RHPN2: variants seen among roughly 807,000 people sequenced by gnomAD.
The protein encoded by RHPN2 is rhophilin-2.
A neutral mutation model predicts 79.0 loss-of-function variants in RHPN2; 40 were observed. That is an observed-to-expected ratio of 0.51 (90% CI 0.39 to 0.66). The LOEUF (loss-of-function observed/expected upper bound fraction) is 0.66, where lower values mean the gene tolerates loss of function less well. Among genes scored for constraint, RHPN2 ranks in the 30% least tolerant of loss-of-function variants. The probability of loss-of-function intolerance (pLI) is 0.00; values close to 1 mark genes in which losing one functional copy is unlikely to be tolerated. For synonymous variants in RHPN2, 285 were observed against 363.5 expected (o/e 0.78, Z 2.46); for missense variants, 686 against 883.5 (o/e 0.78, Z 2.83).
At chr19:33,006,798 G>A (rs1324283663) in intron 7 of RHPN2, among the ~76,000 whole-genome samples, 1 of 152,144 alleles carries the variant, frequency 6.6e-6, no homozygotes, top group South Asian at 2.1e-4. Context: ...CCTCAACACC[G>A]CACCTCATTC....
At chr19:32,998,488 T>G (rs1447417408) in intron 10 of RHPN2, among the ~76,000 whole-genome samples, 1 of 151,672 alleles carries the variant, frequency 6.6e-6, no homozygotes, top group Non-Finnish European at 1.5e-5. Context: ...ACAAAAACCT[T>G]TTTACAATAT....
chr19:33,055,744 A>AC (rs1182322913), intron 1 of RHPN2, among the ~76,000 whole-genome samples: 1 of 147,862 alleles, frequency 6.8e-6, no homozygotes, highest in African/African-American at 2.5e-5. Context: ...AAAAAAAAAA[A>AC]AAAACAACAA....
intron 1 of RHPN2, among the ~76,000 whole-genome samples, chr19:33,059,204 C>T (rs936100799): frequency 1.3e-5 from 2 of 152,092 alleles, no homozygotes; most frequent in Non-Finnish European, 1.5e-5. Context: ...ATCTTCACCC[C>T]CCGCCTCGAC....
At chr19:33,036,882 C>T (rs1164386112) in intron 2 of RHPN2, among the ~76,000 whole-genome samples, 2 of 138,640 alleles carry the variant, frequency 1.4e-5, no homozygotes, top group Non-Finnish European at 3.1e-5. Flanking sequence ...CCCCCCGCCA[C>T]CCTCTGTGGG....
At chr19:33,023,764 G>A (rs1288664402) in intron 3 of RHPN2, among the ~76,000 whole-genome samples, 2 of 136,674 alleles carry the variant, frequency 1.5e-5, no homozygotes, top group South Asian at 2.3e-4. Flanking sequence ...CAGCCTGGGC[G>A]ACACAGTGAG....
At chr19:32,989,859 C>T (rs1971640602) in intron 14 of RHPN2, among the ~76,000 whole-genome samples, 1 of 152,148 alleles carries the variant, frequency 6.6e-6, no homozygotes, top group South Asian at 2.1e-4. Context: ...AATCCCAGCA[C>T]TCTGGGAGGC....
At chr19:32,988,669 G>T (rs1301688860) in intron 14 of RHPN2, among the ~76,000 whole-genome samples, 1 of 151,870 alleles carries the variant, frequency 6.6e-6, no homozygotes, top group East Asian at 1.9e-4. Flanking sequence ...TCCGGTAGGA[G>T]AAGCTTATTC....
intron 7 of RHPN2, among the ~76,000 whole-genome samples, chr19:33,004,745 C>G (rs1417575513): frequency 6.6e-6 from 1 of 151,782 alleles, no homozygotes; most frequent in Non-Finnish European, 1.5e-5. Context: ...CACCACCACA[C>G]CCAGCTAATT....
chr19:33,041,955 G>A (rs1326223320), intron 2 of RHPN2, among the ~76,000 whole-genome samples: 1 of 152,172 alleles, frequency 6.6e-6, no homozygotes. Flanking sequence ...GGCTGAGGCA[G>A]GAGGATCACT....
intron 9 of RHPN2, among the ~76,000 whole-genome samples, chr19:33,001,835 C>A (rs1971751039): frequency 6.6e-6 from 1 of 152,162 alleles, no homozygotes; most frequent in Non-Finnish European, 1.5e-5. Flanking sequence ...AACTCCTGAC[C>A]TCAAATGATC....
At chr19:33,008,240 G>A (rs941502697) in intron 6 of RHPN2, 60 bp from the exon 7 acceptor site, 237 of 1,482,128 alleles carry the variant, frequency 1.6e-4, no homozygotes, top group Middle Eastern at 3.5e-4. Flanking sequence ...TGCTACAAGT[G>A]GAAAAAATTC....
intron 14 of RHPN2, among the ~76,000 whole-genome samples, chr19:32,982,647 G>A (rs747162622): frequency 6.6e-6 from 1 of 151,908 alleles, no homozygotes; most frequent in Non-Finnish European, 1.5e-5. Flanking sequence ...CCAACCCTCA[G>A]CTGCTCAAAG....
chr19:33,052,375 G>T (rs1972196153), intron 1 of RHPN2, among the ~76,000 whole-genome samples: 1 of 152,176 alleles, frequency 6.6e-6, no homozygotes, highest in African/African-American at 2.4e-5. Flanking sequence ...AAAGGTTCAG[G>T]CGTAAAACTA....
intron 4 of RHPN2, among the ~76,000 whole-genome samples, chr19:33,018,337 AAG>A (rs1163984674): frequency 4.0e-5 from 6 of 150,572 alleles, no homozygotes; most frequent in African/African-American, 4.9e-5. Flanking sequence ...TCAAAAAAAA[AAG>A]AGAGAGAGAG....
At chr19:32,982,722 G>A (rs1230040384) in intron 14 of RHPN2, among the ~76,000 whole-genome samples, 4 of 151,800 alleles carry the variant, frequency 2.6e-5, no homozygotes, top group Non-Finnish European at 4.4e-5. Flanking sequence ...GCCCCCACTC[G>A]CTCATCTCCA....
rs1448337291 is a variant in RHPN2 at position 33,012,722 on chromosome 19, A to G, written c.393T>C (p.Asp131=). The change falls in exon 5 of 15, where the codon GAT becomes GAC. Residue 131 remains aspartate, a splice_region_variant and synonymous_variant. Coordinates refer to ENST00000254260, the MANE Select transcript of RHPN2 (RefSeq NM_033103.5). ...KDVDFAVVLK[D]FILEHYSEDG... ...CTTCACTGTAATGTTCCAGGATAAAATCCTTAAAGAAAAATGAGGTCAGAT... is the reference window on the plus strand; with the variant it reads ...CTTCACTGTAATGTTCCAGGATAAAGTCCTTAAAGAAAAATGAGGTCAGAT... The G allele has an allele frequency of 1.3e-6, 2 of 1,573,398 alleles. No homozygotes were observed. The highest frequency in any genetic ancestry group is 8.7e-7 in the Non-Finnish European group (1 of 1,143,046).
chr19:33,039,182 A>C (rs1256421833), intron 2 of RHPN2, among the ~76,000 whole-genome samples: 2 of 152,120 alleles, frequency 1.3e-5, no homozygotes, highest in Non-Finnish European at 2.9e-5. Flanking sequence ...AGGAGGCTGG[A>C]GCGAGGACTG....
intron 11 of RHPN2, among the ~76,000 whole-genome samples, chr19:32,995,482 G>C (rs1374492558): frequency 6.6e-6 from 1 of 152,014 alleles, no homozygotes; most frequent in Non-Finnish European, 1.5e-5. Flanking sequence ...CAGCAGGCTC[G>C]GACTACCCTT....
intron 3 of RHPN2, among the ~76,000 whole-genome samples, chr19:33,023,602 G>A (rs1227441915): frequency 6.6e-5 from 10 of 151,276 alleles, no homozygotes; most frequent in Admixed American, 2.0e-4. Flanking sequence ...CCTGGCTAAC[G>A]GTGAAACCCC....
Sources: gnomAD v4.1 joint callset for allele counts (sites outside exome capture counted in the v4.1 genomes callset) on GRCh38, gnomAD v4.1.1 for gene constraint, MANE v1.5 for transcripts, NCBI Gene and HGNC (gene_info 2026-07-23, HGNC 2026-07-21) for gene names.